TRIM29: variants seen among roughly 807,000 people sequenced by gnomAD.
TRIM29 encodes the protein tripartite motif containing 29.
Under a neutral mutation model 57.3 loss-of-function variants are expected in TRIM29, and 52 were observed. The observed-to-expected ratio is 0.91, with a 90% confidence interval of 0.73 to 1.14. The LOEUF (loss-of-function observed/expected upper bound fraction) is 1.14, where lower values mean the gene tolerates loss of function less well. TRIM29 is among the 50% of genes most tolerant of loss of function. TRIM29 has a pLI of 0.00. For synonymous variants in TRIM29, 319 were observed against 316.9 expected, an observed-to-expected ratio of 1.01 and a Z score of -0.07; for missense variants, 753 against 774.6, an observed-to-expected ratio of 0.97 and a Z score of 0.33.
chr11:120,128,140 C>T (rs1360827224), intron 2 of TRIM29, among the ~76,000 whole-genome samples: 4 of 152,146 alleles, frequency 2.6e-5, no homozygotes, highest in Non-Finnish European at 5.9e-5. Flanking sequence ...TTGGAAGACA[C>T]ACTGGAGGAA....
chr11:120,134,920 C>T (rs776839406), intron 1 of TRIM29, among the ~76,000 whole-genome samples: 7 of 152,210 alleles, frequency 4.6e-5, no homozygotes, highest in African/African-American at 9.7e-5. Flanking sequence ...CTGTCTACTA[C>T]GGTTTGACGT....
rs970307538 is a variant in TRIM29, at chr11:120,112,314, G to C, written c.*100C>G. 1 of 1,456,160 alleles carries C rather than the reference G, an allele frequency of 6.9e-7. No homozygotes were observed. The highest frequency in any genetic ancestry group is 1.2e-5 in the South Asian group (1 of 83,804). The allele number at this position is 1,456,160 out of a possible 1,614,324, so 90.2% of individuals were successfully genotyped here. The stretch of plus-strand genomic sequence containing the variant: ...CTGCAGAGGGCAGGTGCAGGACCAG[G>C]CTCCCTCCCACCCAGACAAGCACAG... On this transcript the variant is annotated 3_prime_UTR_variant, in exon 9 of 9. Transcript: ENST00000341846.
At chr11:120,113,404 C>T (rs995740474) in intron 8 of TRIM29, 2 of 296,184 alleles carry the variant, frequency 6.8e-6, no homozygotes, top group Non-Finnish European at 1.4e-5. Flanking sequence ...CTGCTGCTCA[C>T]CCACGCAAGC....
At chr11:120,128,735 G>A in intron 1 of TRIM29, 4 of 1,535,378 alleles carry the variant, frequency 2.6e-6, no homozygotes, top group East Asian at 2.4e-5. Flanking sequence ...CACTAGGGCT[G>A]GATATCCTAG....
intron 1 of TRIM29, among the ~76,000 whole-genome samples, chr11:120,134,658 G>T (rs1278505888): frequency 6.6e-6 from 1 of 152,186 alleles, no homozygotes; most frequent in Non-Finnish European, 1.5e-5. Flanking sequence ...ACACACGGAG[G>T]CTACCTGAAG....
chr11:120,137,588 G>T lies in TRIM29; in HGVS notation c.444C>A (p.Thr148=), dbSNP rs1470623525. 3.7e-6 allele frequency: 6 copies of T among 1,612,974 alleles called. No homozygotes were observed. The highest frequency in any genetic ancestry group is 5.1e-6 in the Non-Finnish European group (6 of 1,180,022). ...CGGCCCGGGGGTAGCTGTTCCGCCG[G>T]GTCTCCCCGGGCTCCATGATGGACA... ...PTVSIMEPGE[T]RRNSYPRADT... is the part of the protein sequence containing the mutation. The change falls in exon 1 of 9, where the codon ACC becomes ACA. Residue 148 remains threonine (T), a synonymous_variant. Coordinates refer to ENST00000341846, the MANE Select transcript of TRIM29 (RefSeq NM_012101.4). The surrounding 1 kb of genome is among the most constrained non-coding windows in gnomAD (Gnocchi z 6.2).
intron 1 of TRIM29, among the ~76,000 whole-genome samples, chr11:120,130,690 G>A (rs146916076): frequency 6.6e-6 from 1 of 152,230 alleles, no homozygotes; most frequent in Non-Finnish European, 1.5e-5. Context: ...CACAGCGTGA[G>A]CACTGTCTGA....
chr11:120,127,710 G>T (rs1456776851), intron 2 of TRIM29, 141 bp from the exon 3 acceptor site: 2 of 744,076 alleles, frequency 2.7e-6, no homozygotes, highest in Non-Finnish European at 4.3e-6. Flanking sequence ...ATTTGGCCAA[G>T]AATCTCATTC....
intron 4 of TRIM29, chr11:120,123,451 A>C: frequency 2.2e-6 from 1 of 460,216 alleles, no homozygotes; most frequent in African/African-American, 2.0e-5. Flanking sequence ...AGCTTGCCCA[A>C]TGTCACATGC....
At chr11:120,131,674 G>A (rs1479290024) in intron 1 of TRIM29, among the ~76,000 whole-genome samples, 1 of 151,368 alleles carries the variant, frequency 6.6e-6, no homozygotes, top group Non-Finnish European at 1.5e-5. Context: ...TGCTAGAATG[G>A]TCCTTTCTCA....
chr11:120,136,089 C>T (rs1863808698), intron 1 of TRIM29, among the ~76,000 whole-genome samples: 1 of 152,206 alleles, frequency 6.6e-6, no homozygotes, highest in Admixed American at 6.5e-5. Flanking sequence ...CTCATGCAAA[C>T]ACACTTACGT....
chr11:120,128,652 G>T, intron 1 of TRIM29, 157 bp from the exon 2 acceptor site: 1 of 1,530,258 alleles, frequency 6.5e-7, no homozygotes, highest in Non-Finnish European at 8.8e-7. Context: ...CAGGACCTCG[G>T]ATATGCCAGG....
intron 1 of TRIM29, chr11:120,128,905 G>C: frequency 7.0e-7 from 1 of 1,428,492 alleles, no homozygotes. Context: ...CCAGCCCAGG[G>C]AGTGTCTCGT....
At position 120,112,233 on chromosome 11, in the gene TRIM29, G is replaced by A; in HGVS notation, c.*181C>T. On this transcript the variant is annotated 3_prime_UTR_variant, in exon 9 of 9. Coordinates refer to ENST00000341846, the MANE Select transcript of TRIM29 (RefSeq NM_012101.4). ...GGCAGGAAAGGAGTCTGAATGGAGT[G>A]TGGCCAGTGGGGAAGTCGGAGAGGC... The A allele has an allele frequency of 5.0e-6, 3 of 603,524 alleles. No individual in the cohort carries two copies. Among genetic ancestry groups the A allele is most frequent in the Non-Finnish European group, 8.7e-6 (3 of 345,670 alleles). The allele number at this position is 603,524 out of a possible 1,614,324, so 37.4% of individuals were successfully genotyped here.
chr11:120,124,739 T>C (rs2851718), intron 4 of TRIM29: 21,670 of 152,134 alleles, frequency 0.14, 1,775 homozygotes, highest in East Asian at 0.42. Flanking sequence ...TTGTGTGTGA[T>C]TGAATGTCCC....
At position 120,120,641 on chromosome 11, in the gene TRIM29, G is replaced by A; in HGVS notation, c.1460C>T (p.Pro487Leu). ...PKGGVRTSYQ[P>L]SSPGRFTKET... ...CTTGGTGAAGCGGCCAGGAGACGAG[G>A]GCTGGTATGATGTCCGGACCCCACC... The change falls in exon 6 of 9, where the codon CCC (proline) becomes CTC (leucine). Residue 487 changes from proline (P) to leucine (L), a missense_variant. Coordinates refer to ENST00000341846, the MANE Select transcript of TRIM29 (RefSeq NM_012101.4). 6.2e-7 allele frequency: 1 copy of A among 1,613,882 alleles called. No individual in the cohort carries two copies.
At chr11:120,115,777 G>T in intron 7 of TRIM29, 1 of 241,136 alleles carries the variant, frequency 4.1e-6, no homozygotes, top group Non-Finnish European at 8.1e-6. Context: ...CCAGAGCCCA[G>T]GAGCGCCACG....
rs1421550108 is a variant in TRIM29 at position 120,125,693 on chromosome 11, T to G, written c.1331A>C (p.Asn444Thr). The change falls in exon 4 of 9, where the codon AAC becomes ACC. Residue 444 changes from asparagine (N) to threonine (T), a missense_variant and splice_region_variant. Asn to Thr is a moderately conservative substitution (Grantham distance 65, BLOSUM62 0). Coordinates refer to ENST00000341846, the MANE Select transcript of TRIM29 (RefSeq NM_012101.4). Reference protein sequence around the residue: ...RNFIERNHMENGGDHRYVNNY... With the variant: ...RNFIERNHMETGGDHRYVNNY... ...CCCAGCCACGAGAGGGGACCTACCG[T>G]TCTCCATGTGGTTCCTCTCAATGAA... The G allele has an allele frequency of 6.2e-7, 1 of 1,614,002 alleles. No homozygotes were observed. The highest frequency in any genetic ancestry group is 8.5e-7 in the Non-Finnish European group (1 of 1,180,020).
At position 120,137,819 on chromosome 11, in the gene TRIM29, C is replaced by T. The variant is rs551223628; in HGVS notation, c.213G>A (p.Ala71=). The part of the protein sequence containing the change: ...KPGEGRSALF[A]GNEWRRPIIQ... ...TGATGGGTCGCCGCCACTCATTGCC[C>T]GCGAACAGGGCGCTCCTACCTTCCC... The change falls in exon 1 of 9, where the codon GCG becomes GCA. Residue 71 remains alanine (A), a synonymous_variant. Coordinates refer to ENST00000341846, the MANE Select transcript of TRIM29 (RefSeq NM_012101.4). This position sits in a 1 kb window ranked among gnomAD's most constrained non-coding sequence, Gnocchi z 6.2. 26 of 1,612,484 alleles carry T rather than the reference C, an allele frequency of 1.6e-5. No homozygotes were observed. The highest frequency in any genetic ancestry group is 1.6e-4 in the African/African-American group (12 of 74,934).
Sources: gnomAD v4.1 joint callset for allele counts (sites outside exome capture counted in the v4.1 genomes callset) on GRCh38, gnomAD v4.1.1 for gene constraint, Gnocchi (gnomAD v3.1) non-coding constraint, MANE v1.5 for transcripts, NCBI Gene and HGNC (gene_info 2026-07-23, HGNC 2026-07-21) for gene names.